Variants in CIROZ observed in about 807,000 individuals in gnomAD.
CIROZ encodes ciliated left-right organizer protein containing ZP-N domains, also known as ciliated left-right organizer ZP-N domains-containing protein.
chr1:10,964,015 T>TC, the CIROZ span: 5 of 1,336,138 alleles, frequency 3.7e-6, no homozygotes, highest in Admixed American at 9.7e-5. Flanking sequence ...ACCACCTGTC[T>TC]CCCTGGGCCA....
the CIROZ span, chr1:10,947,717 C>T: frequency 1.3e-6 from 2 of 1,553,412 alleles, no homozygotes; most frequent in Non-Finnish European, 1.7e-6. Flanking sequence ...GCTCAGGAGG[C>T]CTGTGGCTTT....
chr1:10,965,656 T>G, the CIROZ span, among the ~76,000 whole-genome samples: 2 of 151,768 alleles, frequency 1.3e-5, no homozygotes, highest in African/African-American at 2.4e-5. Context: ...GGTCAGAAGC[T>G]CAAGACCAGC....
chr1:10,962,724 G>T, the CIROZ span, among the ~76,000 whole-genome samples: 1 of 152,152 alleles, frequency 6.6e-6, no homozygotes, highest in African/African-American at 2.4e-5. Flanking sequence ...TGCAGAATGG[G>T]GATCAATATA....
the CIROZ span, chr1:10,947,619 C>G: frequency 5.7e-6 from 8 of 1,392,714 alleles, no homozygotes; most frequent in Non-Finnish European, 7.6e-6. Context: ...CACTCTACCT[C>G]CCCAGGGTGC....
chr1:10,968,020 C>T, the CIROZ span, among the ~76,000 whole-genome samples: 5 of 151,474 alleles, frequency 3.3e-5, no homozygotes, highest in East Asian at 5.8e-4. Flanking sequence ...TCGTTCGGCG[C>T]GGTGGGGGGG....
At chr1:10,978,363 T>C in the CIROZ span, among the ~76,000 whole-genome samples, 4 of 151,798 alleles carry the variant, frequency 2.6e-5, no homozygotes, top group African/African-American at 4.8e-5. Flanking sequence ...AATTTCTTTA[T>C]GTCAGGTAAA....
At chr1:10,954,232 G>A in the CIROZ span, 1 of 1,397,810 alleles carries the variant, frequency 7.2e-7, no homozygotes, top group Non-Finnish European at 9.7e-7. Context: ...GAGGCAGGCG[G>A]ATCATGAGGT....
At chr1:10,963,288 C>T in the CIROZ span, among the ~76,000 whole-genome samples, 1 of 152,198 alleles carries the variant, frequency 6.6e-6, no homozygotes, top group African/African-American at 2.4e-5. Flanking sequence ...ACTTGGGAGG[C>T]TGAGGCAGGA....
At chr1:10,955,193 T>A in the CIROZ span, 1 of 1,598,576 alleles carries the variant, frequency 6.3e-7, no homozygotes, top group Non-Finnish European at 8.6e-7. Context: ...GACACTGGAA[T>A]GGGAAGGACA....
chr1:10,980,684 G>C, the CIROZ span, among the ~76,000 whole-genome samples: 6 of 152,336 alleles, frequency 3.9e-5, no homozygotes, highest in African/African-American at 7.2e-5. Flanking sequence ...TGGCAGGTGG[G>C]GGGTAGACAG....
the CIROZ span, among the ~76,000 whole-genome samples, chr1:10,967,213 C>A: frequency 6.6e-6 from 1 of 151,614 alleles, no homozygotes; most frequent in East Asian, 1.9e-4. Context: ...GAAAGCCTCA[C>A]GTGACCTGCC....
chr1:10,976,446 G>A, the CIROZ span, among the ~76,000 whole-genome samples: 2 of 151,810 alleles, frequency 1.3e-5, no homozygotes, highest in South Asian at 4.2e-4. Flanking sequence ...CCGCCTCCCC[G>A]GTTTAAGCAG....
At chr1:10,975,443 G>A in the CIROZ span, among the ~76,000 whole-genome samples, 3 of 144,878 alleles carry the variant, frequency 2.1e-5, no homozygotes, top group Non-Finnish European at 4.5e-5. Context: ...ACAAAAATTA[G>A]CCAGGTGTGG....
the CIROZ span, chr1:10,957,749 G>A: frequency 6.2e-7 from 1 of 1,612,656 alleles, no homozygotes; most frequent in Non-Finnish European, 8.5e-7. Flanking sequence ...CAGCAGCCAT[G>A]GAGTCTGGAG....
the CIROZ span, chr1:10,958,756 C>A: frequency 6.2e-7 from 1 of 1,613,896 alleles, no homozygotes; most frequent in Non-Finnish European, 8.5e-7. Context: ...GGGAGACCTG[C>A]AGAGACAAAG....
the CIROZ span, among the ~76,000 whole-genome samples, chr1:10,975,010 G>A: frequency 0.012 from 1,902 of 152,268 alleles, 14 homozygotes; most frequent in Middle Eastern, 0.02. Flanking sequence ...GGTGGCTCAC[G>A]CCTGTCATCC....
At chr1:10,963,386 C>A in the CIROZ span, among the ~76,000 whole-genome samples, 1 of 152,044 alleles carries the variant, frequency 6.6e-6, no homozygotes, top group Admixed American at 6.5e-5. Context: ...AAGACTCCAT[C>A]TCAAAAAAAC....
At chr1:10,966,922 G>A in the CIROZ span, among the ~76,000 whole-genome samples, 1 of 152,086 alleles carries the variant, frequency 6.6e-6, no homozygotes, top group Non-Finnish European at 1.5e-5. Flanking sequence ...GCCGAGGTGG[G>A]AGGATCACTT....
the CIROZ span, among the ~76,000 whole-genome samples, chr1:10,981,487 A>G: frequency 6.6e-6 from 1 of 151,496 alleles, no homozygotes; most frequent in Admixed American, 6.6e-5. Context: ...AGAGAGAGAG[A>G]AAGAGAAAAG....
Sources: gnomAD v4.1 joint callset for allele counts (sites outside exome capture counted in the v4.1 genomes callset) on GRCh38, gnomAD v4.1.1 for gene constraint, MANE v1.5 for transcripts, NCBI Gene and HGNC (gene_info 2026-07-23, HGNC 2026-07-21) for gene names.